Variants in CYP7B1 observed in about 807,000 individuals in gnomAD.
The protein encoded by CYP7B1 is cytochrome P450 family 7 subfamily B member 1.
In CYP7B1, 29 loss-of-function variants were observed where a neutral mutation model predicts 42.7. That is an observed-to-expected ratio of 0.68 (90% CI 0.51 to 0.93). The LOEUF is 0.93. CYP7B1 is among the 40% of genes least tolerant of loss of function. CYP7B1 has a pLI of 0.00. For missense variants in CYP7B1, 655 were observed against 600.5 expected (o/e 1.09, Z -0.95); for synonymous variants, 235 against 218.2 (o/e 1.08, Z -0.68).
chr8:64,695,395 G>A (rs1007400445), intron 1 of CYP7B1, among the ~76,000 whole-genome samples: 11 of 152,078 alleles, frequency 7.2e-5, no homozygotes, highest in African/African-American at 2.4e-4. Flanking sequence ...GGCGGGCTGA[G>A]GGAGAAGGAG....
chr8:64,733,325 A>G (rs1210309874), intron 1 of CYP7B1, among the ~76,000 whole-genome samples: 1 of 152,166 alleles, frequency 6.6e-6, no homozygotes, highest in African/African-American at 2.4e-5. Context: ...GGAATTCCTC[A>G]AGGCTACATT....
chr8:64,675,233 T>C (rs1418712321), intron 1 of CYP7B1, among the ~76,000 whole-genome samples: 1 of 152,076 alleles, frequency 6.6e-6, no homozygotes, highest in East Asian at 1.9e-4. Flanking sequence ...AACCTAGTCC[T>C]TCTACTAGGT....
intron 5 of CYP7B1, among the ~76,000 whole-genome samples, chr8:64,603,953 G>A (rs118166083): frequency 0.014 from 2,065 of 152,288 alleles, 30 homozygotes; most frequent in Non-Finnish European, 0.019. Context: ...AAAAACTACT[G>A]CAGCAACATT....
chr8:64,734,053 C>T (rs1360073435), intron 1 of CYP7B1, among the ~76,000 whole-genome samples: 4 of 152,032 alleles, frequency 2.6e-5, no homozygotes, highest in Non-Finnish European at 5.9e-5. Flanking sequence ...AACACCATCC[C>T]ACTATACATT....
intron 1 of CYP7B1, among the ~76,000 whole-genome samples, chr8:64,633,614 T>A (rs1373046634): frequency 6.6e-6 from 1 of 152,090 alleles, no homozygotes; most frequent in Non-Finnish European, 1.5e-5. Context: ...CAACTCTGAT[T>A]AAAAATCAAA....
chr8:64,750,540 C>T (rs547086048), intron 1 of CYP7B1, among the ~76,000 whole-genome samples: 1 of 152,298 alleles, frequency 6.6e-6, no homozygotes, highest in South Asian at 2.1e-4. Context: ...CCAACTTGAT[C>T]CAAGCACATA....
At chr8:64,648,584 A>G (rs1805988997) in intron 1 of CYP7B1, among the ~76,000 whole-genome samples, 1 of 152,164 alleles carries the variant, frequency 6.6e-6, no homozygotes, top group South Asian at 2.1e-4. Flanking sequence ...GCTCACTGCT[A>G]TCTCTGTATC....
intron 1 of CYP7B1, among the ~76,000 whole-genome samples, chr8:64,637,863 C>T (rs1805796461): frequency 6.6e-6 from 1 of 152,142 alleles, no homozygotes; most frequent in Non-Finnish European, 1.5e-5. Context: ...TCTCTAAATT[C>T]TCAATATGGT....
chr8:64,775,396 G>A (rs543259403), intron 1 of CYP7B1, among the ~76,000 whole-genome samples: 4 of 152,110 alleles, frequency 2.6e-5, no homozygotes, highest in East Asian at 1.9e-4. Context: ...CAGGTTTCTC[G>A]GCATTTTGGG....
At chr8:64,634,204 A>C (rs1805736721) in intron 1 of CYP7B1, among the ~76,000 whole-genome samples, 1 of 152,176 alleles carries the variant, frequency 6.6e-6, no homozygotes, top group Non-Finnish European at 1.5e-5. Context: ...AGGTATTAAT[A>C]ATAACATTTT....
At chr8:64,674,084 A>G (rs1296504161) in intron 1 of CYP7B1, among the ~76,000 whole-genome samples, 1 of 152,092 alleles carries the variant, frequency 6.6e-6, no homozygotes, top group Non-Finnish European at 1.5e-5. Flanking sequence ...CAGAGCCAAG[A>G]AGTGAATGAT....
intron 2 of CYP7B1, among the ~76,000 whole-genome samples, chr8:64,619,140 A>T (rs1805491844): frequency 6.6e-6 from 1 of 152,236 alleles, no homozygotes; most frequent in Non-Finnish European, 1.5e-5. Context: ...TCTGTCCACC[A>T]TCTGCTAATG....
intron 1 of CYP7B1, among the ~76,000 whole-genome samples, chr8:64,750,896 C>G (rs1425411535): frequency 6.6e-6 from 1 of 152,172 alleles, no homozygotes; most frequent in African/African-American, 2.4e-5. Context: ...CTAGGCATCA[C>G]TGATGCTACC....
chr8:64,704,802 T>C (rs1393241483), intron 1 of CYP7B1, among the ~76,000 whole-genome samples: 1 of 152,032 alleles, frequency 6.6e-6, no homozygotes, highest in African/African-American at 2.4e-5. Context: ...CAAAATAATA[T>C]ATTTATTTTA....
In CYP7B1 at chr8:64,596,841, G is replaced by A. The variant is rs1376071051; in HGVS notation, c.1322C>T (p.Pro441Leu). ...ACATTTGCTGGTTCCAGTTCCAAAC[G>A]GCATTAGGTAACACTTCAGCTTTTT... is the stretch of plus-strand genomic sequence containing the variant. ...RGKKLKCYLM[P>L]FGTGTSKCPG... The change falls in exon 6 of 6, where the codon CCG becomes CTG. Residue 441 changes from proline to leucine, a missense_variant. By Grantham distance (98) the Pro-to-Leu change is moderately conservative (BLOSUM62 -3). Coordinates refer to ENST00000310193, the MANE Select transcript of CYP7B1 (RefSeq NM_004820.5). The A allele has an allele frequency of 4.3e-6, 7 of 1,613,898 alleles. No homozygotes were observed. The highest frequency in any genetic ancestry group is 2.2e-5 in the East Asian group (1 of 44,874).
At chr8:64,744,075 C>G (rs576578255) in intron 1 of CYP7B1, among the ~76,000 whole-genome samples, 1 of 152,074 alleles carries the variant, frequency 6.6e-6, no homozygotes, top group African/African-American at 2.4e-5. Flanking sequence ...AGGAAAATAA[C>G]CCAGAAATTA....
chr8:64,680,976 T>C (rs1372331010), intron 1 of CYP7B1, among the ~76,000 whole-genome samples: 1 of 152,162 alleles, frequency 6.6e-6, no homozygotes, highest in Non-Finnish European at 1.5e-5. Flanking sequence ...ACTCATACAT[T>C]GCTCAACATC....
At chr8:64,665,705 T>C (rs1806268552) in intron 1 of CYP7B1, among the ~76,000 whole-genome samples, 2 of 150,864 alleles carry the variant, frequency 1.3e-5, no homozygotes, top group Non-Finnish European at 2.9e-5. Flanking sequence ...GCCTCTTGAG[T>C]AGCTGGGATT....
At chr8:64,604,910 C>G in intron 4 of CYP7B1, 53 bp from the exon 5 acceptor site, 1 of 1,577,096 alleles carries the variant, frequency 6.3e-7, no homozygotes, top group Non-Finnish European at 8.6e-7. Context: ...GTCCTGAAAA[C>G]TGCTCTCAGT....
Sources: allele counts gnomAD v4.1 joint callset (sites outside exome capture counted in the v4.1 genomes callset), GRCh38; gene constraint gnomAD v4.1.1; transcripts MANE v1.5; gene names NCBI Gene and HGNC (gene_info 2026-07-23, HGNC 2026-07-21).